The following SEMA3D variants were observed in gnomAD, a reference collection of about 807,000 sequenced individuals.
The protein encoded by SEMA3D is semaphorin 3D.
Under a neutral mutation model 100.1 loss-of-function variants are expected in SEMA3D, and 84 were observed. That is an observed-to-expected ratio of 0.84 (90% CI 0.70 to 1.01). The LOEUF (loss-of-function observed/expected upper bound fraction) is 1.01. Among genes scored for constraint, SEMA3D ranks in the 50% least tolerant of loss-of-function variants. The probability of loss-of-function intolerance (pLI) is 0.00; values close to 1 mark genes in which losing one functional copy is unlikely to be tolerated. For missense variants in SEMA3D, 875 were observed against 934.1 expected, an observed-to-expected ratio of 0.94 and a Z score of 0.82; for synonymous variants, 312 against 320.7, an observed-to-expected ratio of 0.97 and a Z score of 0.29.
At chr7:85,223,203 G>A in the SEMA3D span, among the ~76,000 whole-genome samples, 3 of 152,022 alleles carry the variant, frequency 2.0e-5, no homozygotes, top group African/African-American at 7.2e-5. Context: ...ACTGCCAGTG[G>A]GAATGTAAGC....
chr7:85,009,034 C>T (rs1789879655), intron 17 of SEMA3D, among the ~76,000 whole-genome samples: 1 of 151,564 alleles, frequency 6.6e-6, no homozygotes, highest in African/African-American at 2.4e-5. Flanking sequence ...CCTTTTGGTC[C>T]CAGGCATTTC....
chr7:85,215,117 C>CTTTTTTTTTTTT, the SEMA3D span, among the ~76,000 whole-genome samples: 1 of 128,308 alleles, frequency 7.8e-6, no homozygotes, highest in African/African-American at 2.9e-5. Flanking sequence ...TTCTTTCTTT[C>CTTTTTTTTTTTT]TTTTTTTTTT....
In SEMA3D at chr7:85,006,954, C is replaced by A; in HGVS notation, c.1769-13G>T. ...TCATGACTAATGCCTGGAAAGCAAA[C>A]ATGGAATAAGAGATTAACCTTGACC... On this transcript the variant is annotated splice_polypyrimidine_tract_variant and intron_variant, in intron 17 of 18. Transcript: ENST00000284136. 6.2e-7 allele frequency: 1 copy of A among 1,605,266 alleles called. No homozygotes were observed. The highest frequency in any genetic ancestry group is 1.3e-5 in the African/African-American group (1 of 74,600).
chr7:85,083,388 T>C (rs1176753319), intron 4 of SEMA3D, among the ~76,000 whole-genome samples: 3 of 152,184 alleles, frequency 2.0e-5, no homozygotes, highest in South Asian at 4.1e-4. Flanking sequence ...TGGTTAGTCA[T>C]AAACCCAGAA....
chr7:85,087,716 C>G (rs1788267843), intron 4 of SEMA3D, among the ~76,000 whole-genome samples: 1 of 152,100 alleles, frequency 6.6e-6, no homozygotes. Context: ...TCCTCATATT[C>G]TATAATTTAC....
chr7:85,214,605 T>G, the SEMA3D span, among the ~76,000 whole-genome samples: 3 of 152,070 alleles, frequency 2.0e-5, no homozygotes, highest in Non-Finnish European at 4.4e-5. Context: ...CAAGCAATTT[T>G]ACTGCCTCAG....
Position 85,097,825 on chromosome 7 carries a change from A to G in SEMA3D, c.292T>C (p.Leu98=). The G allele has an allele frequency of 1.9e-6, 3 of 1,600,768 alleles. No individual in the cohort carries two copies. Among genetic ancestry groups the G allele is most frequent in the Non-Finnish European group, 2.6e-6 (3 of 1,171,100 alleles). ...CTGACCTTCTTAAAATTTTTGTTTA[A>G]GTCAACCAGACTGAGTAGAAAGATG... ...DHIFLLSLVD[L]NKNFKKIYWP... The change falls in exon 4 of 19, where the codon TTA becomes CTA. Residue 98 remains leucine (L), a synonymous_variant. Transcript: ENST00000284136.
At chr7:85,157,566 A>G in intron 1 of SEMA3D, 1 of 581,656 alleles carries the variant, frequency 1.7e-6, no homozygotes, top group Non-Finnish European at 2.2e-6. Flanking sequence ...ACCATGTCCC[A>G]ATATGATCTC....
intron 4 of SEMA3D, among the ~76,000 whole-genome samples, chr7:85,096,888 C>A (rs957489222): frequency 1.3e-5 from 2 of 151,774 alleles, no homozygotes; most frequent in Admixed American, 6.6e-5. Context: ...ATAAATAATT[C>A]TCTTTGAAGA....
intron 9 of SEMA3D, chr7:85,050,829 T>C: frequency 2.2e-6 from 1 of 455,452 alleles, no homozygotes; most frequent in Non-Finnish European, 3.9e-6. Context: ...TCACCTTTGG[T>C]AACTAACCTG....
chr7:85,073,224 C>A, intron 5 of SEMA3D, 143 bp from the exon 6 acceptor site: 1 of 761,588 alleles, frequency 1.3e-6, no homozygotes, highest in Non-Finnish European at 2.2e-6. Context: ...TTCTAGACAT[C>A]TGTTGTAGCA....
chr7:85,177,631 C>T (rs1791275752), intron 1 of SEMA3D, among the ~76,000 whole-genome samples: 1 of 151,990 alleles, frequency 6.6e-6, no homozygotes, highest in Non-Finnish European at 1.5e-5. Context: ...TAATAAATAG[C>T]ATTTTTTGCA....
chr7:85,122,839 G>T (rs555667475), intron 2 of SEMA3D, among the ~76,000 whole-genome samples: 17 of 152,264 alleles, frequency 1.1e-4, no homozygotes, highest in Non-Finnish European at 8.8e-5. Context: ...TAAGAGGGAG[G>T]AGGTGGTAAT....
In SEMA3D at chr7:85,140,648, C is replaced by T. The variant is rs528937394; in HGVS notation, c.-41+12960G>A. Reference sequence around the variant, plus strand: ...ACTCCCTATAATCTATAGCCTACAACCTGCAAGACACGAACACATTATTAA... The same window carrying T: ...ACTCCCTATAATCTATAGCCTACAATCTGCAAGACACGAACACATTATTAA... On this transcript the variant is annotated intron_variant, in intron 2 of 18. Coordinates refer to ENST00000284136, the MANE Select transcript of SEMA3D (RefSeq NM_001384900.1). The T allele has an allele frequency of 2.3e-5, 22 of 971,706 alleles. No individual in the cohort carries two copies. The African/African-American group carries it at 3.7e-4, about 16-fold the overall frequency. The allele number at this position is 971,706 out of a possible 1,614,324, so 60.2% of individuals were successfully genotyped here.
chr7:85,031,457 T>C (rs1790547020), intron 12 of SEMA3D, among the ~76,000 whole-genome samples: 1 of 151,990 alleles, frequency 6.6e-6, no homozygotes, highest in Admixed American at 6.6e-5. Context: ...AAATGGTAAG[T>C]GTAGTAAAGT....
At chr7:85,150,720 G>A (rs552727103) in intron 2 of SEMA3D, among the ~76,000 whole-genome samples, 9 of 151,528 alleles carry the variant, frequency 5.9e-5, no homozygotes, top group South Asian at 4.2e-4. Context: ...TATAGTCATC[G>A]CAGCTTTTCT....
chr7:85,180,257 G>GT (rs1431171005), intron 1 of SEMA3D, among the ~76,000 whole-genome samples: 2 of 152,222 alleles, frequency 1.3e-5, no homozygotes, highest in South Asian at 2.1e-4. Flanking sequence ...TTTTATAAGT[G>GT]TTTTTTCCCT....
chr7:85,101,843 C>T (rs922459828), intron 3 of SEMA3D, among the ~76,000 whole-genome samples: 26 of 151,934 alleles, frequency 1.7e-4, no homozygotes, highest in African/African-American at 5.3e-4. Context: ...TTAAACTCTA[C>T]TTTGGGCCAA....
upstream of SEMA3D, among the ~76,000 whole-genome samples, chr7:85,190,983 T>C (rs1791682769): frequency 1.3e-5 from 2 of 151,878 alleles, no homozygotes; most frequent in South Asian, 4.1e-4. Flanking sequence ...TATTTCACCC[T>C]GCTATAGAGA....
Sources: gnomAD v4.1 joint callset for allele counts (sites outside exome capture counted in the v4.1 genomes callset) on GRCh38, gnomAD v4.1.1 for gene constraint, MANE v1.5 for transcripts, NCBI Gene and HGNC (gene_info 2026-07-23, HGNC 2026-07-21) for gene names.